The following DZIP1 variants were observed in gnomAD, a reference collection of about 807,000 sequenced individuals.
DZIP1 encodes the protein DAZ interacting zinc finger protein 1.
In DZIP1, 97 loss-of-function variants were observed where a neutral mutation model predicts 107.6. The ratio of observed to expected loss-of-function variants is 0.90; its 90% CI spans 0.77 to 1.07. The LOEUF (loss-of-function observed/expected upper bound fraction) is 1.07, where lower values mean the gene tolerates loss of function less well. Ranked by LOEUF, DZIP1 falls within the 50% of genes least tolerant of loss-of-function variation. The pLI is 0.00. For synonymous variants in DZIP1, 390 were observed against 386.4 expected, an observed-to-expected ratio of 1.01 and a Z score of -0.11; for missense variants, 1,035 against 1,063.6, an observed-to-expected ratio of 0.97 and a Z score of 0.37.
chr13:95,595,732 T>A (rs979532874), intron 15 of DZIP1, among the ~76,000 whole-genome samples: 1 of 151,620 alleles, frequency 6.6e-6, no homozygotes, highest in African/African-American at 2.4e-5. Flanking sequence ...CCTACCCCAA[T>A]TATGTGAAGA....
intron 9 of DZIP1, 35 bp from the exon 10 acceptor site, chr13:95,619,982 T>C (rs369583337): frequency 3.7e-6 from 6 of 1,608,290 alleles, no homozygotes; most frequent in Non-Finnish European, 4.2e-6. Flanking sequence ...TATGTACAAC[T>C]GTAACAATGA....
intron 16 of DZIP1, among the ~76,000 whole-genome samples, chr13:95,593,555 G>A (rs1442155011): frequency 7.9e-5 from 12 of 152,156 alleles, no homozygotes; most frequent in African/African-American, 2.9e-4. Context: ...ATGAAGTGCT[G>A]GTTTTGTAAT....
Position 95,622,621 on chromosome 13 carries a change from T to C in DZIP1, c.973-141A>G. 3.5e-6 allele frequency: 3 copies of C among 849,010 alleles called. No homozygotes were observed. In the South Asian group the frequency reaches 5.1e-5, roughly 14 times the overall value. The allele number at this position is 849,010 out of a possible 1,614,324, so 52.6% of individuals were successfully genotyped here. ...CCTGGACGCTCTTGGACGCTTCTCC[T>C]GCTTCTGCTTCCCTGTGGTTTTACT... On this transcript the variant is annotated intron_variant, in intron 8 of 22. Transcript: ENST00000376829.
chr13:95,614,173 C>T (rs1874751781), intron 10 of DZIP1, among the ~76,000 whole-genome samples: 1 of 150,442 alleles, frequency 6.6e-6, no homozygotes, highest in Non-Finnish European at 1.5e-5. Flanking sequence ...CCTGCACAGC[C>T]TTGCCTCTGA....
At position 95,617,187 on chromosome 13, in the gene DZIP1, G is replaced by C. The variant is rs1211418730; in HGVS notation, c.1173+2698C>G. 1.6e-4 allele frequency among the ~76,000 whole-genome samples: 24 copies of C among 150,692 alleles called. 1 individual carries two copies. The Admixed American group carries it at 1.6e-3, about 10-fold the overall frequency. ...ACTGCACTCCAGCCCGTGCAACAGA[G>C]TGAGACTCTGTCTCACCCCAAAAAA... On this transcript the variant is annotated intron_variant, in intron 10 of 22. Coordinates refer to ENST00000376829, the MANE Select transcript of DZIP1 (RefSeq NM_198968.4).
intron 5 of DZIP1, among the ~76,000 whole-genome samples, chr13:95,636,543 C>CAAAAAAAAAAAAAAAAAAAAAAAA (rs58289509): frequency 8.5e-6 from 1 of 118,278 alleles, no homozygotes; most frequent in Admixed American, 9.2e-5. Context: ...GACCTTGACT[C>CAAAAAAAAAAAAAAAAAAAAAAAA]AAAAAAAAAA....
At chr13:95,595,639 G>A (rs1408395784) in intron 15 of DZIP1, among the ~76,000 whole-genome samples, 1 of 152,034 alleles carries the variant, frequency 6.6e-6, no homozygotes, top group Non-Finnish European at 1.5e-5. Context: ...GCCATCAAGT[G>A]TGCAACTGTC....
At chr13:95,610,111 T>TGAGAGAGAGAGAGA (rs1555308785) in intron 12 of DZIP1, among the ~76,000 whole-genome samples, 5 of 126,772 alleles carry the variant, frequency 3.9e-5, no homozygotes, top group African/African-American at 1.5e-4. Context: ...TGTGTGTGTG[T>TGAGAGAGAGAGAGA]GAGAGAGAGA....
At chr13:95,634,506 G>T (rs1253828474) in intron 5 of DZIP1, among the ~76,000 whole-genome samples, 1 of 152,180 alleles carries the variant, frequency 6.6e-6, no homozygotes, top group Non-Finnish European at 1.5e-5. Flanking sequence ...ATGAACAAAA[G>T]CTTGGAAGTA....
At chr13:95,631,706 C>T (rs1253641426) in intron 6 of DZIP1, among the ~76,000 whole-genome samples, 1 of 152,114 alleles carries the variant, frequency 6.6e-6, no homozygotes. Context: ...CTTAGTATCT[C>T]CCACATCAAA....
At chr13:95,606,099 A>G in intron 13 of DZIP1, 40 bp from the exon 14 acceptor site, 8 of 1,606,476 alleles carry the variant, frequency 5.0e-6, no homozygotes, top group Non-Finnish European at 6.8e-6. Flanking sequence ...AGGTTCCATA[A>G]TTAAAGCATA....
intron 15 of DZIP1, among the ~76,000 whole-genome samples, chr13:95,598,249 A>G (rs1359078396): frequency 6.6e-6 from 1 of 152,218 alleles, no homozygotes; most frequent in African/African-American, 2.4e-5. Context: ...AGTGCCAAAC[A>G]TGAACAACTA....
At chr13:95,630,756 GAGT>G in intron 6 of DZIP1, 8 of 1,285,254 alleles carry the variant, frequency 6.2e-6, no homozygotes, top group Non-Finnish European at 8.1e-6. Flanking sequence ...ATGTGTCTGT[GAGT>G]GTAGACATGA....
chr13:95,602,344 G>A (rs549243533), intron 14 of DZIP1, among the ~76,000 whole-genome samples: 13 of 152,242 alleles, frequency 8.5e-5, no homozygotes, highest in African/African-American at 2.9e-4. Context: ...GCTACGCCAG[G>A]AAGTCTTCCC....
intron 22 of DZIP1, 114 bp downstream of exon 22, chr13:95,584,622 G>C: frequency 6.8e-7 from 1 of 1,469,408 alleles, no homozygotes; most frequent in Admixed American, 2.4e-5. Flanking sequence ...AGAAAGCACT[G>C]ACAGCTTTTT....
At chr13:95,620,395 T>A (rs1292698279) in intron 9 of DZIP1, among the ~76,000 whole-genome samples, 4 of 152,204 alleles carry the variant, frequency 2.6e-5, no homozygotes, top group Non-Finnish European at 5.9e-5. Flanking sequence ...CAGTCTTAGG[T>A]AATTCTTTAC....
chr13:95,595,852 C>T (rs563499075), intron 15 of DZIP1, among the ~76,000 whole-genome samples: 6 of 152,296 alleles, frequency 3.9e-5, no homozygotes, highest in East Asian at 1.9e-4. Flanking sequence ...CAGGGGCAAG[C>T]GATGCCTGGA....
chr13:95,601,412 A>C (rs2044613983), intron 14 of DZIP1, among the ~76,000 whole-genome samples: 1 of 152,114 alleles, frequency 6.6e-6, no homozygotes, highest in Admixed American at 6.5e-5. Flanking sequence ...GTCTCCCATG[A>C]ACTTGTGGGA....
intron 20 of DZIP1, 138 bp downstream of exon 20, chr13:95,587,401 T>TC: frequency 8.7e-7 from 1 of 1,152,228 alleles, no homozygotes; most frequent in South Asian, 1.6e-5. Flanking sequence ...CTGCCCATTT[T>TC]CCGTGGGTGC....
Sources: gnomAD v4.1 joint callset for allele counts (sites outside exome capture counted in the v4.1 genomes callset) on GRCh38, gnomAD v4.1.1 for gene constraint, MANE v1.5 for transcripts, NCBI Gene and HGNC (gene_info 2026-07-23, HGNC 2026-07-21) for gene names.